SPEF2: variants seen among roughly 807,000 people sequenced by gnomAD.
SPEF2 encodes sperm flagellar and cilia associated 2, also known as sperm flagella and cilia-associated protein 2.
Under a neutral mutation model 224.6 loss-of-function variants are expected in SPEF2, and 187 were observed. The ratio of observed to expected loss-of-function variants is 0.83; its 90% CI spans 0.74 to 0.94. SPEF2 has a LOEUF of 0.94. SPEF2 is among the 40% of genes least tolerant of loss of function. SPEF2 has a pLI of 0.00. For synonymous variants in SPEF2, 715 were observed against 707.3 expected, an observed-to-expected ratio of 1.01 and a Z score of -0.17; for missense variants, 2,170 against 2,135.6, an observed-to-expected ratio of 1.02 and a Z score of -0.32.
intron 6 of SPEF2, among the ~76,000 whole-genome samples, chr5:35,653,647 G>A (rs1337275555): frequency 6.6e-6 from 1 of 152,030 alleles, no homozygotes; most frequent in Non-Finnish European, 1.5e-5. Context: ...CGGTTAGAAT[G>A]AAAATCATAA....
At chr5:35,732,019 C>T (rs1468595273) in intron 21 of SPEF2, among the ~76,000 whole-genome samples, 2 of 152,154 alleles carry the variant, frequency 1.3e-5, no homozygotes, top group Non-Finnish European at 2.9e-5. Context: ...ATAATTTATA[C>T]ATTAATTATT....
At chr5:35,727,399 A>G (rs6891098) in intron 20 of SPEF2, among the ~76,000 whole-genome samples, 91,804 of 152,046 alleles carry the variant, frequency 0.6, 28,320 homozygotes, top group Middle Eastern at 0.7. Context: ...TAAAAGTCAC[A>G]TGTTCATTCT....
At chr5:35,793,979 C>A (rs756601994) in intron 32 of SPEF2, among the ~76,000 whole-genome samples, 74 of 152,098 alleles carry the variant, frequency 4.9e-4, no homozygotes, top group Non-Finnish European at 1.0e-3. Flanking sequence ...TAATGGATAA[C>A]CCAGTAGGGT....
At chr5:35,807,302 A>G in intron 36 of SPEF2, 49 bp downstream of exon 36, 1 of 1,581,398 alleles carries the variant, frequency 6.3e-7, no homozygotes. Context: ...CCAGTTCAGG[A>G]CATGCTAGGA....
At chr5:35,749,957 T>C (rs1205230860) in intron 23 of SPEF2, among the ~76,000 whole-genome samples, 1 of 152,152 alleles carries the variant, frequency 6.6e-6, no homozygotes, top group Admixed American at 6.5e-5. Context: ...CAAACTATAC[T>C]ATAAGGCCAT....
rs1211930125 is a variant in SPEF2 at position 35,759,728 on chromosome 5, G to A, written c.3620+9G>A. 1.3e-6 allele frequency: 2 copies of A among 1,561,494 alleles called. No homozygotes were observed. The highest frequency in any genetic ancestry group is 1.7e-5 in the Admixed American group (1 of 57,670). ...TCTGAAAGCCAGCTTAGGTAAGGCA[G>A]GCTATTATATCACACTGTAATTGTT... is the stretch of plus-strand genomic sequence containing the variant. On this transcript the variant is annotated intron_variant, in intron 25 of 36. Transcript: ENST00000356031.
chr5:35,638,360 G>A lies in SPEF2; in HGVS notation c.162-3071G>A, dbSNP rs286443. Among the ~76,000 whole-genome samples, 897 of 151,834 alleles carry A rather than the reference G, an allele frequency of 5.9e-3. 16 individuals are homozygous for A. Among genetic ancestry groups the A allele is most frequent in the African/African-American group, 0.021 (850 of 41,392 alleles). ...GGTCATGGCTTATAAGGTGCTTCTC[G>A]GTGTGACCCTCATTTACCTTTCCAG... On this transcript the variant is annotated intron_variant, in intron 2 of 36. Transcript: ENST00000356031.
In SPEF2 at chr5:35,794,783, T is replaced by C. The variant is rs113606892; in HGVS notation, c.4738-920T>C. On this transcript the variant is annotated intron_variant, in intron 32 of 36. Transcript: ENST00000356031. Reference sequence around the variant, plus strand: ...CTGAGCTAAAACCAGAAAACTATTTTACCAAAGGTGTGAGTTTCTTAGAGA... The same window carrying C: ...CTGAGCTAAAACCAGAAAACTATTTCACCAAAGGTGTGAGTTTCTTAGAGA... Among the ~76,000 whole-genome samples, 656 of 152,328 alleles carry C rather than the reference T, an allele frequency of 4.3e-3. 10 individuals are homozygous for C. Among genetic ancestry groups the C allele is most frequent in the Non-Finnish European group, 6.5e-3 (444 of 68,030 alleles).
intron 17 of SPEF2, 124 bp from the exon 18 acceptor site, chr5:35,705,527 C>A: frequency 1.6e-6 from 1 of 640,564 alleles, no homozygotes; most frequent in Non-Finnish European, 2.5e-6. Context: ...AACATTGTTT[C>A]TTTTTCAGAT....
At chr5:35,766,489 T>G (rs1372738119) in intron 26 of SPEF2, among the ~76,000 whole-genome samples, 1 of 152,084 alleles carries the variant, frequency 6.6e-6, no homozygotes, top group Non-Finnish European at 1.5e-5. Context: ...ACTTGCAGTG[T>G]CTATGTGACG....
intron 10 of SPEF2, among the ~76,000 whole-genome samples, chr5:35,685,815 A>T (rs2149518629): frequency 1.3e-5 from 2 of 151,826 alleles, no homozygotes; most frequent in African/African-American, 4.8e-5. Context: ...GAAAATGGTT[A>T]GGAAATGAGC....
At chr5:35,807,694 T>TACTCAAAGTGTTCA in intron 36 of SPEF2, 1 of 1,536,088 alleles carries the variant, frequency 6.5e-7, no homozygotes, top group Non-Finnish European at 8.7e-7. Flanking sequence ...TGGGCACCAC[T>TACTCAAAGTGTTCA]TCCATCAGGA....
At chr5:35,764,332 A>G (rs1427228576) in intron 26 of SPEF2, among the ~76,000 whole-genome samples, 1 of 152,018 alleles carries the variant, frequency 6.6e-6, no homozygotes, top group Non-Finnish European at 1.5e-5. Flanking sequence ...AAAGGCTAAG[A>G]AACTTGCCCA....
At chr5:35,774,562 A>G (rs990293589) in intron 28 of SPEF2, among the ~76,000 whole-genome samples, 2 of 152,036 alleles carry the variant, frequency 1.3e-5, no homozygotes, top group Non-Finnish European at 2.9e-5. Flanking sequence ...AGGAGCTATG[A>G]CTCCACAAAA....
At chr5:35,769,989 A>ATATCTGTGTGTGTGTGTG (rs1554053681) in intron 26 of SPEF2, among the ~76,000 whole-genome samples, 1 of 142,258 alleles carries the variant, frequency 7.0e-6, no homozygotes, top group Non-Finnish European at 1.5e-5. Flanking sequence ...TGCCTCCATA[A>ATATCTGTGTGTGTGTGTG]TGTGTGTGTG....
chr5:35,620,303 G>T (rs1457465188), intron 1 of SPEF2, among the ~76,000 whole-genome samples: 3 of 152,196 alleles, frequency 2.0e-5, no homozygotes, highest in African/African-American at 7.2e-5. Flanking sequence ...TCTGGGGAAA[G>T]TAATCAGGCA....
chr5:35,667,656 G>T (rs1257020831), intron 9 of SPEF2, among the ~76,000 whole-genome samples: 1 of 152,028 alleles, frequency 6.6e-6, no homozygotes, highest in Non-Finnish European at 1.5e-5. Flanking sequence ...AAAAATTTTT[G>T]CTCTGCAAAA....
rs1749360806 is a variant in SPEF2 at position 35,659,149 on chromosome 5, A to G, written c.1109A>G (p.Glu370Gly). Reference protein sequence around the residue: ...EVLWQNRIFREKQHEERRLKD... With the variant: ...EVLWQNRIFRGKQHEERRLKD... ...TTATGGCAAAACAGAATTTTCAGAGAAAAACAACATGAGGAAAGACGACTT... is the reference window on the plus strand; with the variant it reads ...TTATGGCAAAACAGAATTTTCAGAGGAAAACAACATGAGGAAAGACGACTT... Residue 370 changes from glutamate to glycine, a missense_variant, in exon 8 of 37, where the codon GAA becomes GGA. Transcript: ENST00000356031. 2.5e-6 allele frequency: 4 copies of G among 1,613,310 alleles called. No homozygotes were observed. The highest frequency in any genetic ancestry group is 3.4e-6 in the Non-Finnish European group (4 of 1,179,556).
chr5:35,712,459 C>A (rs1443307061), intron 19 of SPEF2, among the ~76,000 whole-genome samples: 1 of 152,076 alleles, frequency 6.6e-6, no homozygotes, highest in Non-Finnish European at 1.5e-5. Flanking sequence ...TGAAACAAAT[C>A]CAAATACAGC....
Sources: allele counts gnomAD v4.1 joint callset (sites outside exome capture counted in the v4.1 genomes callset), GRCh38; gene constraint gnomAD v4.1.1; transcripts MANE v1.5; gene names NCBI Gene and HGNC (gene_info 2026-07-23, HGNC 2026-07-21).